The following SLC2A3 variants were observed in gnomAD, a reference collection of about 807,000 sequenced individuals.
The protein encoded by SLC2A3 is solute carrier family 2, facilitated glucose transporter member 3.
A neutral mutation model predicts 46.4 loss-of-function variants in SLC2A3; 21 were observed. The observed-to-expected ratio is 0.45, with a 90% confidence interval of 0.32 to 0.65. The LOEUF (loss-of-function observed/expected upper bound fraction) is 0.65, where lower values mean the gene tolerates loss of function less well. Among genes scored for constraint, SLC2A3 ranks in the 30% least tolerant of loss-of-function variants. The probability of loss-of-function intolerance (pLI) is 0.04; values close to 1 mark genes in which losing one functional copy is unlikely to be tolerated. For synonymous variants in SLC2A3, 213 were observed against 239.4 expected (o/e 0.89, Z 1.02); for missense variants, 499 against 623.3 (o/e 0.80, Z 2.12).
chr12:7,931,466 C>T lies in SLC2A3; in HGVS notation c.289G>A (p.Val97Ile). 6.8e-6 allele frequency: 11 copies of T among 1,614,158 alleles called. No individual in the cohort carries two copies. The highest frequency in any genetic ancestry group is 7.6e-6 in the Non-Finnish European group (9 of 1,180,026). ...RFGRRNSMLIVNLLAVTGGCF... is the reference protein window; with the variant it reads ...RFGRRNSMLIINLLAVTGGCF... ...CCACCAGTGACAGCCAACAGGTTGA[C>T]AATCAGCATTGAATTGCGCCTGTAA... Residue 97 changes from valine (V) to isoleucine (I), a missense_variant, in exon 4 of 10, where the codon GTC (valine) becomes ATC (isoleucine). By Grantham distance (29) the Val-to-Ile change is conservative. Transcript: ENST00000075120.
At chr12:7,929,379 T>C (rs1324722972) in intron 6 of SLC2A3, 1 of 338,744 alleles carries the variant, frequency 3.0e-6, no homozygotes, top group African/African-American at 2.1e-5. Context: ...TAAACTACCA[T>C]GCTCGCTATA....
chr12:7,922,650 G>T (rs1201532016), intron 9 of SLC2A3, among the ~76,000 whole-genome samples, 171 bp downstream of exon 9: 2 of 151,934 alleles, frequency 1.3e-5, no homozygotes, highest in African/African-American at 2.4e-5. Flanking sequence ...CACCATGTTG[G>T]CCAGGCTGGT....
intron 2 of SLC2A3, 72 bp from the exon 3 acceptor site, chr12:7,933,219 A>T: frequency 6.6e-7 from 1 of 1,503,812 alleles, no homozygotes; most frequent in Non-Finnish European, 9.2e-7. Context: ...AACATTAGGG[A>T]TCATTTCCTT....
chr12:7,928,422 A>G (rs1946117470), intron 6 of SLC2A3, among the ~76,000 whole-genome samples: 1 of 151,842 alleles, frequency 6.6e-6, no homozygotes, highest in Non-Finnish European at 1.5e-5. Context: ...TGTACACACC[A>G]TACTCTGAAA....
intron 6 of SLC2A3, among the ~76,000 whole-genome samples, chr12:7,926,557 C>T (rs1946096894): frequency 6.6e-6 from 1 of 152,092 alleles, no homozygotes; most frequent in Non-Finnish European, 1.5e-5. Context: ...GTTGAGACAG[C>T]AACTCACTGT....
rs1946017488 is a variant in SLC2A3 at position 7,919,803 on chromosome 12, A to G, written c.*1610T>C. 6.6e-6 allele frequency: 1 copy of G among 152,222 alleles called. No individual in the cohort carries two copies. The highest frequency in any genetic ancestry group is 1.5e-5 in the Non-Finnish European group (1 of 68,062). 9.4% of individuals were successfully genotyped at this position (152,222 alleles called of 1,614,324 possible). A position where few individuals can be genotyped will look rare whatever the true frequency, so the allele number is the denominator to read the frequency against. Reference sequence around the variant, plus strand: ...TACTGTCACTGACAAGGGTTTGGCTAAAGGGTCTGAGATGTGTAAGCACCA... The same window carrying G: ...TACTGTCACTGACAAGGGTTTGGCTGAAGGGTCTGAGATGTGTAAGCACCA... On this transcript the variant is annotated 3_prime_UTR_variant, in exon 10 of 10. Transcript: ENST00000075120.
rs1946135130 is a variant in SLC2A3, at chr12:7,929,987, T to C, written c.674-116A>G. 1.5e-5 allele frequency: 22 copies of C among 1,497,172 alleles called. No individual in the cohort carries two copies. In the South Asian group the frequency reaches 2.9e-4, roughly 20 times the overall value. 92.7% of individuals were successfully genotyped at this position (1,497,172 alleles called of 1,614,324 possible). ...AGGTGAGGTGATGGGTAGCATCCATTCCTTTTTTTTTTTTTGAGACAGAGT... is the reference window on the plus strand; with the variant it reads ...AGGTGAGGTGATGGGTAGCATCCATCCCTTTTTTTTTTTTTGAGACAGAGT... On this transcript the variant is annotated intron_variant, in intron 5 of 9. Transcript: ENST00000075120.
At chr12:7,933,734 T>C in intron 2 of SLC2A3, 76 bp downstream of exon 2, 1 of 1,508,208 alleles carries the variant, frequency 6.6e-7, no homozygotes, top group Non-Finnish European at 9.1e-7. Flanking sequence ...TGGCCTTAAA[T>C]TCTGAATTCC....
intron 1 of SLC2A3, among the ~76,000 whole-genome samples, chr12:7,934,692 C>T (rs183428301): frequency 5.5e-4 from 83 of 152,120 alleles, no homozygotes; most frequent in African/African-American, 1.9e-3. Flanking sequence ...CATTCCCCCC[C>T]ACCCCACCAC....
In SLC2A3 at chr12:7,922,862, T is replaced by C; in HGVS notation, c.1231A>G (p.Thr411Ala). Residue 411 changes from threonine (T) to alanine (A), a missense_variant, in exon 9 of 10, where the codon ACC (threonine) becomes GCC (alanine). This residue lies in a region of SLC2A3 where 179 missense variants were observed against 205.1 expected (regional missense o/e 0.87). Coordinates refer to ENST00000075120, the MANE Select transcript of SLC2A3 (RefSeq NM_006931.3). ...AGCAATCCGACTAGGAAGTTGGAGG[T>C]CCAGTTGGAGCAGCCGGCCACTGCC... ...AMAVAGCSNW[T>A]SNFLVGLLFP... 6.2e-7 allele frequency: 1 copy of C among 1,613,862 alleles called. No individual in the cohort carries two copies. Among genetic ancestry groups the C allele is most frequent in the South Asian group, 1.1e-5 (1 of 91,054 alleles).
chr12:7,936,187 T>C lies in SLC2A3; in HGVS notation c.-153A>G, dbSNP rs1946210953. 4 of 700,686 alleles carry C rather than the reference T, an allele frequency of 5.7e-6. No individual in the cohort carries two copies. In the East Asian group the frequency reaches 7.7e-5, roughly 13 times the overall value. The allele number at this position is 700,686 out of a possible 1,614,324, so 43.4% of individuals were successfully genotyped here. A position where few individuals can be genotyped will look rare whatever the true frequency, so the allele number is the denominator to read the frequency against. On this transcript the variant is annotated 5_prime_UTR_variant, in exon 1 of 10. Coordinates refer to ENST00000075120, the MANE Select transcript of SLC2A3 (RefSeq NM_006931.3). The stretch of plus-strand genomic sequence containing the variant: ...CAAAGTCTTACCATTACAGCATCTC[T>C]GGGTCTCGCTGGGATCATGACTATT...
chr12:7,933,350 C>T (rs1323124405), intron 2 of SLC2A3: 69 of 681,658 alleles, frequency 1.0e-4, no homozygotes, highest in Non-Finnish European at 1.4e-4. Context: ...TAGGTGGCAG[C>T]ACCGATGTTC....
At chr12:7,930,401 G>C in intron 5 of SLC2A3, 79 bp downstream of exon 5, 1 of 1,381,410 alleles carries the variant, frequency 7.2e-7, no homozygotes, top group Non-Finnish European at 1.0e-6. Flanking sequence ...GAGTGTAACA[G>C]AAAGTAGGTC....
intron 5 of SLC2A3, chr12:7,930,240 T>TTA: frequency 1.9e-6 from 1 of 521,348 alleles, no homozygotes; most frequent in Non-Finnish European, 3.3e-6. Context: ...CCTCGGCCTC[T>TTA]TATAATGCTG....
In SLC2A3 at chr12:7,926,033, G is replaced by A. The variant is rs1428213532; in HGVS notation, c.862-85C>T. The A allele has an allele frequency of 1.7e-5, 19 of 1,151,382 alleles. No homozygotes were observed. The Admixed American group carries it at 3.3e-4, about 20-fold the overall frequency. The allele number at this position is 1,151,382 out of a possible 1,614,324, so 71.3% of individuals were successfully genotyped here. ...CTCAAAAATAAACTTAAAAGTCCCA[G>A]TGGGTAAGAAGTCCTTTTTCTAGGT... On this transcript the variant is annotated intron_variant, in intron 6 of 9. Transcript: ENST00000075120.
At chr12:7,922,473 T>C (rs900591013) in intron 9 of SLC2A3, among the ~76,000 whole-genome samples, 2 of 152,132 alleles carry the variant, frequency 1.3e-5, no homozygotes, top group Non-Finnish European at 2.9e-5. Flanking sequence ...TTTTTTTATT[T>C]ATTTAGGGAT....
chr12:7,931,299 A>AC lies in SLC2A3; in HGVS notation c.455dup (p.Ala153CysfsTer29). 2 of 1,614,032 alleles carry AC rather than the reference A, an allele frequency of 1.2e-6. No homozygotes were observed. The highest frequency in any genetic ancestry group is 1.7e-6 in the Non-Finnish European group (2 of 1,179,998). Reference sequence around the variant, plus strand: ...CCAGCTGGTTGAGAGTGCCAAAGGCACCCCGCAGGGCAGTAGGCGAGATCT... The same window carrying AC: ...CCAGCTGGTTGAGAGTGCCAAAGGCACCCCCGCAGGGCAGTAGGCGAGATCT... On this transcript the variant is annotated frameshift_variant, in exon 4 of 10. Coordinates refer to ENST00000075120, the MANE Select transcript of SLC2A3 (RefSeq NM_006931.3). LOFTEE classifies it high-confidence loss of function.
intron 8 of SLC2A3, among the ~76,000 whole-genome samples, chr12:7,923,954 G>C (rs1946067721): frequency 6.6e-6 from 1 of 151,872 alleles, no homozygotes; most frequent in Non-Finnish European, 1.5e-5. Context: ...TTTTAATAGA[G>C]ACGGGGTTTC....
chr12:7,931,879 CATTT>C (rs1236092005), intron 3 of SLC2A3, among the ~76,000 whole-genome samples: 10 of 105,422 alleles, frequency 9.5e-5, no homozygotes, highest in African/African-American at 3.4e-4. Flanking sequence ...ATCTAATTGG[CATTT>C]TTTTTTTTTT....
Sources: gnomAD v4.1 joint callset for allele counts (sites outside exome capture counted in the v4.1 genomes callset) on GRCh38, gnomAD v4.1.1 for gene constraint, gnomAD v4.1.1 regional missense constraint, MANE v1.5 for transcripts, NCBI Gene and HGNC (gene_info 2026-07-23, HGNC 2026-07-21) for gene names.